FOXN3: variants seen among roughly 807,000 people sequenced by gnomAD.
The protein encoded by FOXN3 is forkhead box N3.
In FOXN3, 7 loss-of-function variants were observed where a neutral mutation model predicts 38.4. That is an observed-to-expected ratio of 0.18 (90% CI 0.10 to 0.34). The LOEUF is 0.34. Among genes scored for constraint, FOXN3 ranks in the 10% least tolerant of loss-of-function variants. The pLI, the probability that FOXN3 is intolerant of heterozygous loss-of-function variation, is 1.00. For missense variants in FOXN3, 456 were observed against 613.4 expected (o/e 0.74, Z 2.71); for synonymous variants, 230 against 242.2 (o/e 0.95, Z 0.47).
intron 1 of FOXN3, among the ~76,000 whole-genome samples, chr14:89,445,367 C>T (rs36071588): frequency 0.46 from 70,617 of 151,986 alleles, 17,340 homozygotes; most frequent in Admixed American, 0.6. Context: ...GAGCTGCTGT[C>T]ATTTTGTTTG....
chr14:89,436,525 G>A (rs1167377261), intron 1 of FOXN3, among the ~76,000 whole-genome samples: 1 of 152,104 alleles, frequency 6.6e-6, no homozygotes, highest in African/African-American at 2.4e-5. Context: ...TGTGGTCTGG[G>A]TGGGACTGAC....
intron 4 of FOXN3, among the ~76,000 whole-genome samples, chr14:89,231,589 G>A (rs1013050175): frequency 5.9e-5 from 9 of 152,112 alleles, no homozygotes; most frequent in Non-Finnish European, 1.0e-4. Flanking sequence ...TCTGTTGCCT[G>A]GACTTCTGTT....
chr14:89,610,815 G>A (rs1317804182), intron 1 of FOXN3, among the ~76,000 whole-genome samples: 3 of 152,202 alleles, frequency 2.0e-5, no homozygotes, highest in African/African-American at 4.8e-5. Context: ...CTGAATGAAC[G>A]TGAGGATGAT....
At chr14:89,422,244 C>T (rs1027780190) in intron 1 of FOXN3, among the ~76,000 whole-genome samples, 2 of 152,192 alleles carry the variant, frequency 1.3e-5, no homozygotes, top group Non-Finnish European at 2.9e-5. Flanking sequence ...CTCGTGTATG[C>T]ATAGGAATTA....
intron 1 of FOXN3, among the ~76,000 whole-genome samples, chr14:89,604,662 C>A (rs966083608): frequency 6.6e-6 from 1 of 152,086 alleles, no homozygotes; most frequent in Admixed American, 6.6e-5. Context: ...GAAAGCCAAT[C>A]CACAAAATTA....
intron 4 of FOXN3, among the ~76,000 whole-genome samples, chr14:89,190,838 G>A (rs1219411634): frequency 6.6e-6 from 1 of 152,148 alleles, no homozygotes; most frequent in Non-Finnish European, 1.5e-5. Context: ...ACTGGGGAAA[G>A]CTCACAGCAT....
chr14:89,560,123 A>G (rs77811563), intron 1 of FOXN3, among the ~76,000 whole-genome samples: 2,504 of 152,274 alleles, frequency 0.016, 72 homozygotes, highest in African/African-American at 0.057. Context: ...AAATCTTCAC[A>G]TGGAGAGAGG....
At chr14:89,505,848 A>G (rs180916210) in intron 1 of FOXN3, among the ~76,000 whole-genome samples, 84,819 of 146,366 alleles carry the variant, frequency 0.58, 25,240 homozygotes, top group African/African-American at 0.71. Context: ...CTGCCCGGCC[A>G]CCCATCATCT....
chr14:89,432,683 C>T lies in FOXN3; in HGVS notation c.-14-20193G>A, dbSNP rs189645835. ...CTGCTCTCACCTGTCTATTGCTATTCTCCAAGATCTCATTTCCAAGATCAC... is the reference window on the plus strand; with the variant it reads ...CTGCTCTCACCTGTCTATTGCTATTTTCCAAGATCTCATTTCCAAGATCAC... On this transcript the variant is annotated intron_variant, in intron 1 of 6. Transcript: ENST00000345097. Among the ~76,000 whole-genome samples, 241 of 152,314 alleles carry T rather than the reference C, an allele frequency of 1.6e-3. 1 individual carries two copies. The highest frequency in any genetic ancestry group is 3.4e-3 in the Middle Eastern group (1 of 294).
rs1893087496 is a variant in FOXN3 at position 89,471,179 on chromosome 14, A to G, written c.-14-58689T>C. Among the ~76,000 whole-genome samples the G allele has an allele frequency of 2.0e-5, 3 of 152,102 alleles. No individual in the cohort carries two copies. The South Asian group carries it at 6.2e-4, about 31-fold the overall frequency. Reference sequence around the variant, plus strand: ...TTTGCTTGAGTGGCTTATATTTTTGAGCAAAAGAGATTATGGGCACCTACC... The same window carrying G: ...TTTGCTTGAGTGGCTTATATTTTTGGGCAAAAGAGATTATGGGCACCTACC... On this transcript the variant is annotated intron_variant, in intron 1 of 6. Transcript: ENST00000345097.
At chr14:89,576,028 T>C (rs1895606383) in intron 1 of FOXN3, among the ~76,000 whole-genome samples, 1 of 152,216 alleles carries the variant, frequency 6.6e-6, no homozygotes, top group Non-Finnish European at 1.5e-5. Flanking sequence ...ATCGCTGACA[T>C]CGTAAGTGAC....
At chr14:89,322,319 T>C (rs552052784) in intron 3 of FOXN3, among the ~76,000 whole-genome samples, 5 of 152,322 alleles carry the variant, frequency 3.3e-5, no homozygotes, top group Admixed American at 1.3e-4. Flanking sequence ...GTTCTACCCA[T>C]ACAATTAAAT....
In FOXN3 at chr14:89,350,897, A is replaced by AAAAGC; in HGVS notation, c.544-90_544-89insGCTTT. 3 of 1,013,862 alleles carry AAAAGC rather than the reference A, an allele frequency of 3.0e-6. No homozygotes were observed. The South Asian group carries it at 7.6e-5, about 26-fold the overall frequency. The allele number at this position is 1,013,862 out of a possible 1,614,324, so 62.8% of individuals were successfully genotyped here. A position where few individuals can be genotyped will look rare whatever the true frequency, so the allele number is the denominator to read the frequency against. The stretch of plus-strand genomic sequence containing the variant: ...GATGTATAGCTATTATCACTTCTTT[A>AAAAGC]TTTTTAAAAGCTTCTCATTTGTTGA... On this transcript the variant is annotated intron_variant, in intron 2 of 5. Coordinates refer to ENST00000557258, the MANE Select transcript of FOXN3 (RefSeq NM_005197.4).
At chr14:89,473,723 T>C (rs1247258921) in intron 1 of FOXN3, among the ~76,000 whole-genome samples, 1 of 152,216 alleles carries the variant, frequency 6.6e-6, no homozygotes, top group East Asian at 1.9e-4. Flanking sequence ...CAGGATGGGC[T>C]GGCCAAATGA....
At chr14:89,251,458 T>C (rs1885452878) in intron 4 of FOXN3, among the ~76,000 whole-genome samples, 3 of 152,216 alleles carry the variant, frequency 2.0e-5, no homozygotes, top group Admixed American at 2.0e-4. Flanking sequence ...CTCGCACATT[T>C]GAAATAAATG....
Position 89,279,766 on chromosome 14 carries a change from AT to A in FOXN3, c.745+1183del, listed in dbSNP as rs1358608896. Among the ~76,000 whole-genome samples, 6 of 152,356 alleles carry A rather than the reference AT, an allele frequency of 3.9e-5. No homozygotes were observed. The East Asian group carries it at 7.7e-4, about 20-fold the overall frequency. ...TACATTTCACCTGTACGAAGCAAAA[AT>A]ACAAAGAAACGCTTGATTTCCCAAT... On this transcript the variant is annotated intron_variant, in intron 4 of 5. Coordinates refer to ENST00000557258, the MANE Select transcript of FOXN3 (RefSeq NM_005197.4).
At chr14:89,329,626 G>A (rs972465420) in intron 3 of FOXN3, among the ~76,000 whole-genome samples, 2 of 152,116 alleles carry the variant, frequency 1.3e-5, no homozygotes, top group Non-Finnish European at 2.9e-5. Flanking sequence ...GGGAGGCCGA[G>A]GCGGGCGGAT....
intron 1 of FOXN3, among the ~76,000 whole-genome samples, chr14:89,563,240 C>G (rs1895284994): frequency 6.6e-6 from 1 of 152,258 alleles, no homozygotes; most frequent in African/African-American, 2.4e-5. Context: ...TCACCAAGTA[C>G]TGTCCCATTT....
At chr14:89,501,009 C>G (rs746889318) in intron 1 of FOXN3, among the ~76,000 whole-genome samples, 2 of 152,242 alleles carry the variant, frequency 1.3e-5, no homozygotes, top group Non-Finnish European at 2.9e-5. Flanking sequence ...TGAACTCCCT[C>G]TATCTCTGCA....
Sources: gnomAD v4.1 joint callset for allele counts (sites outside exome capture counted in the v4.1 genomes callset) on GRCh38, gnomAD v4.1.1 for gene constraint, MANE v1.5 for transcripts, NCBI Gene and HGNC (gene_info 2026-07-23, HGNC 2026-07-21) for gene names.